Variants in DDX39A observed in about 807,000 individuals in gnomAD.
DDX39A encodes ATP-dependent RNA helicase DDX39A.
DDX39A carries 13 observed loss-of-function variants against 46.3 expected under a neutral mutation model. That is an observed-to-expected ratio of 0.28 (90% CI 0.18 to 0.45). DDX39A has a LOEUF of 0.45. DDX39A is among the 20% of genes least tolerant of loss of function. The pLI, the probability that DDX39A is intolerant of heterozygous loss-of-function variation, is 1.00. For synonymous variants in DDX39A, 234 were observed against 224.6 expected (o/e 1.04, Z -0.38); for missense variants, 352 against 581.8 (o/e 0.61, Z 4.06).
In DDX39A at chr19:14,410,877, C is replaced by G. The variant is rs758986031; in HGVS notation, c.613+112G>C. 352 of 1,017,910 alleles carry G rather than the reference C, an allele frequency of 3.5e-4. 1 individual carries two copies. Among genetic ancestry groups the G allele is most frequent in the Non-Finnish European group, 4.6e-4 (331 of 723,846 alleles). 63.1% of individuals were successfully genotyped at this position (1,017,910 alleles called of 1,614,324 possible). ...AGCAGAGCTTTCCCCAAGATCACCA[C>G]AGGAGCCCCGCCTGCCGGCCGCCCA... On this transcript the variant is annotated intron_variant, in intron 5 of 10. Coordinates refer to ENST00000242776, the MANE Select transcript of DDX39A (RefSeq NM_005804.4). This position sits in a 1 kb window ranked among gnomAD's most constrained non-coding sequence, Gnocchi z 4.3.
Position 14,411,232 on chromosome 19 carries a change from A to C in DDX39A, c.430-60T>G, listed in dbSNP as rs1486996331. ...TACACGGCCCAAGGCCCCAACCTGC[A>C]CGGCCCAGCACCTGCGAACAGGAGG... On this transcript the variant is annotated intron_variant, in intron 4 of 10. Transcript: ENST00000242776. The surrounding 1 kb of genome is among the most constrained non-coding windows in gnomAD (Gnocchi z 4.1). The C allele has an allele frequency of 6.6e-7, 1 of 1,505,160 alleles. No homozygotes were observed. Among genetic ancestry groups the C allele is most frequent in the Non-Finnish European group, 8.9e-7 (1 of 1,126,010 alleles). 93.2% of individuals were successfully genotyped at this position (1,505,160 alleles called of 1,614,324 possible).
rs370068211 is a variant in DDX39A at position 14,409,476 on chromosome 19, C to T, written c.975-29G>A. On this transcript the variant is annotated intron_variant, in intron 8 of 10. Transcript: ENST00000242776. This position sits in a 1 kb window ranked among gnomAD's most constrained non-coding sequence, Gnocchi z 8.3. Reference sequence around the variant, plus strand: ...GGGTGCAGGAGAAACAAGTGGAGGCCGTCAGACACTGGGCTCCTGGTGGTG... The same window carrying T: ...GGGTGCAGGAGAAACAAGTGGAGGCTGTCAGACACTGGGCTCCTGGTGGTG... 45 of 1,612,662 alleles carry T rather than the reference C, an allele frequency of 2.8e-5. No individual in the cohort carries two copies. The African/African-American group carries it at 4.9e-4, about 18-fold the overall frequency.
chr19:14,410,465 C>A lies in DDX39A; in HGVS notation c.614-131G>T. 1 of 786,848 alleles carries A rather than the reference C, an allele frequency of 1.3e-6. No individual in the cohort carries two copies. 48.7% of individuals were successfully genotyped at this position (786,848 alleles called of 1,614,324 possible). A position where few individuals can be genotyped will look rare whatever the true frequency, so the allele number is the denominator to read the frequency against. ...GCACCGTGACGAGGGCAGAGTGAGC[C>A]GCGGGAGTGGCCAGTCCTGGTGCCT... On this transcript the variant is annotated intron_variant, in intron 5 of 10. Transcript: ENST00000242776. This position sits in a 1 kb window ranked among gnomAD's most constrained non-coding sequence, Gnocchi z 4.3.
Position 14,411,979 on chromosome 19 carries a change from A to G in DDX39A, c.337-381T>C, listed in dbSNP as rs867425080. Among the ~76,000 whole-genome samples the G allele has an allele frequency of 6.6e-6, 1 of 152,142 alleles. No individual in the cohort carries two copies. ...CCCGTGCCATCAGACACTGGACCAC[A>G]CCACAGCCCTCCACAGCACCTTCAT... On this transcript the variant is annotated intron_variant, in intron 3 of 10. Transcript: ENST00000242776. The surrounding 1 kb of genome is among the most constrained non-coding windows in gnomAD (Gnocchi z 4.1).
At position 14,410,911 on chromosome 19, in the gene DDX39A, A is replaced by C. The variant is rs1470578930; in HGVS notation, c.613+78T>G. ...CGCCTGCCGGCCGCCCATGTAACCCACTCAAGAGCCTTCCGCCTGCTATGG... is the reference window on the plus strand; with the variant it reads ...CGCCTGCCGGCCGCCCATGTAACCCCCTCAAGAGCCTTCCGCCTGCTATGG... On this transcript the variant is annotated intron_variant, in intron 5 of 10. Transcript: ENST00000242776. This position sits in a 1 kb window ranked among gnomAD's most constrained non-coding sequence, Gnocchi z 4.3. 1.5e-6 allele frequency: 2 copies of C among 1,375,420 alleles called. No individual in the cohort carries two copies. The highest frequency in any genetic ancestry group is 9.7e-7 in the Non-Finnish European group (1 of 1,034,884). 85.2% of individuals were successfully genotyped at this position (1,375,420 alleles called of 1,614,324 possible). A position where few individuals can be genotyped will look rare whatever the true frequency, so the allele number is the denominator to read the frequency against.
Position 14,412,677 on chromosome 19 carries a change from G to T in DDX39A, c.210C>A (p.Val70=), listed in dbSNP as rs147923085. The T allele has an allele frequency of 3.1e-6, 5 of 1,602,600 alleles. No homozygotes were observed. The highest frequency in any genetic ancestry group is 4.2e-6 in the Non-Finnish European group (5 of 1,178,008). ...VDCGFEHPSE[V]QHECIPQAIL... ...TGGCCTGGGGAATGCACTCATGCTG[G>T]ACTGCAGGAGAAGCAGAGCGTGAGG... Residue 70 remains valine, a splice_region_variant and synonymous_variant, in exon 3 of 11, where the codon GTC becomes GTA. Transcript: ENST00000242776. This position sits in a 1 kb window ranked among gnomAD's most constrained non-coding sequence, Gnocchi z 4.4.
In DDX39A at chr19:14,410,107, C is replaced by T; in HGVS notation, c.732+109G>A. 2 of 1,154,702 alleles carry T rather than the reference C, an allele frequency of 1.7e-6. No homozygotes were observed. Among genetic ancestry groups the T allele is most frequent in the East Asian group, 2.3e-5 (1 of 42,564 alleles). The allele number at this position is 1,154,702 out of a possible 1,614,324, so 71.5% of individuals were successfully genotyped here. A position where few individuals can be genotyped will look rare whatever the true frequency, so the allele number is the denominator to read the frequency against. ...AGGGGAGGAAAGGAGGCTCCGCCGG[C>T]TCCCAGCATCCCAGCATCCTCCGTG... On this transcript the variant is annotated intron_variant, in intron 6 of 10. Transcript: ENST00000242776. The surrounding 1 kb of genome is among the most constrained non-coding windows in gnomAD (Gnocchi z 4.3).
At chr19:14,415,329 T>G (rs1976767276) in intron 1 of DDX39A, among the ~76,000 whole-genome samples, 1 of 152,122 alleles carries the variant, frequency 6.6e-6, no homozygotes, top group Admixed American at 6.6e-5. Flanking sequence ...AGACAAGGTC[T>G]TGCTCTGTTG....
At position 14,410,068 on chromosome 19, in the gene DDX39A, G is replaced by A. The variant is rs1042770794; in HGVS notation, c.732+148C>T. ...AGGTGTGGACCAAGCTTGACTCCCA[G>A]TTTGACAAGACCGAGGGGAGGAAAG... On this transcript the variant is annotated intron_variant, in intron 6 of 10. Coordinates refer to ENST00000242776, the MANE Select transcript of DDX39A (RefSeq NM_005804.4). This position sits in a 1 kb window ranked among gnomAD's most constrained non-coding sequence, Gnocchi z 4.3. 3 of 1,030,966 alleles carry A rather than the reference G, an allele frequency of 2.9e-6. No homozygotes were observed. The highest frequency in any genetic ancestry group is 4.5e-6 in the Non-Finnish European group (3 of 668,558). The allele number at this position is 1,030,966 out of a possible 1,614,324, so 63.9% of individuals were successfully genotyped here.
intron 1 of DDX39A, among the ~76,000 whole-genome samples, chr19:14,414,226 C>G (rs1976709178): frequency 6.6e-6 from 1 of 152,050 alleles, no homozygotes; most frequent in South Asian, 2.1e-4. Context: ...TGTTTTCTCT[C>G]TCTCAACCTC....
Position 14,410,908 on chromosome 19 carries a change from C to T in DDX39A, c.613+81G>A. 1.5e-6 allele frequency: 2 copies of T among 1,347,436 alleles called. No homozygotes were observed. Among genetic ancestry groups the T allele is most frequent in the Admixed American group, 2.7e-5 (1 of 37,054 alleles). The allele number at this position is 1,347,436 out of a possible 1,614,324, so 83.5% of individuals were successfully genotyped here. A position where few individuals can be genotyped will look rare whatever the true frequency, so the allele number is the denominator to read the frequency against. On this transcript the variant is annotated intron_variant, in intron 5 of 10. Coordinates refer to ENST00000242776, the MANE Select transcript of DDX39A (RefSeq NM_005804.4). This position sits in a 1 kb window ranked among gnomAD's most constrained non-coding sequence, Gnocchi z 4.3. ...CCCCGCCTGCCGGCCGCCCATGTAA[C>T]CCACTCAAGAGCCTTCCGCCTGCTA... is the stretch of plus-strand genomic sequence containing the variant.
chr19:14,413,268 G>C (rs769071538), intron 1 of DDX39A, 44 bp from the exon 2 acceptor site: 53 of 1,546,568 alleles, frequency 3.4e-5, no homozygotes, highest in Non-Finnish European at 4.5e-5. Context: ...GGCACAGAAG[G>C]ATGATGAAGC....
rs1330681122 is a variant in DDX39A, at chr19:14,410,125, C to A, written c.732+91G>T. On this transcript the variant is annotated intron_variant, in intron 6 of 10. Coordinates refer to ENST00000242776, the MANE Select transcript of DDX39A (RefSeq NM_005804.4). The surrounding 1 kb of genome is among the most constrained non-coding windows in gnomAD (Gnocchi z 4.3). ...CCGCCGGCTCCCAGCATCCCAGCAT[C>A]CTCCGTGCCATGTGGGCCGTGCGGG... 5 of 1,232,598 alleles carry A rather than the reference C, an allele frequency of 4.1e-6. No homozygotes were observed. Among genetic ancestry groups the A allele is most frequent in the Non-Finnish European group, 5.9e-6 (5 of 840,994 alleles). 76.4% of individuals were successfully genotyped at this position (1,232,598 alleles called of 1,614,324 possible).
At chr19:14,408,991 G>A in intron 10 of DDX39A, 39 bp from the exon 11 acceptor site, 2 of 1,612,800 alleles carry the variant, frequency 1.2e-6, no homozygotes, top group Non-Finnish European at 8.5e-7. Flanking sequence ...AGGGCCGGGG[G>A]AGGAACCCTC....
chr19:14,417,093 G>A (rs1450148779), intron 1 of DDX39A, among the ~76,000 whole-genome samples: 1 of 152,112 alleles, frequency 6.6e-6, no homozygotes, highest in Non-Finnish European at 1.5e-5. Context: ...TCCGATGAAG[G>A]GGTAGGTTAA....
Position 14,413,006 on chromosome 19 carries a change from G to A in DDX39A, c.208+7C>T, listed in dbSNP as rs1976656714. On this transcript the variant is annotated splice_region_variant and intron_variant, in intron 2 of 10. Coordinates refer to ENST00000242776, the MANE Select transcript of DDX39A (RefSeq NM_005804.4). ...CTGGGCAAGAGGATAACACCCAGAA[G>A]GCGTACCCTCAGAAGGATGCTCAAA... The A allele has an allele frequency of 6.2e-7, 1 of 1,613,500 alleles. No individual in the cohort carries two copies. Among genetic ancestry groups the A allele is most frequent in the South Asian group, 1.1e-5 (1 of 91,056 alleles).
Position 14,409,796 on chromosome 19 carries a change from G to C in DDX39A, c.810C>G (p.Asp270Glu), listed in dbSNP as rs1157358371. The change falls in exon 7 of 11, where the codon GAC becomes GAG. Residue 270 changes from aspartate to glutamate, a missense_variant. By Grantham distance (45) the Asp-to-Glu change is conservative (BLOSUM62 2). This residue lies in a region of DDX39A where 301 missense variants were observed against 469.9 expected (regional missense o/e 0.64). Coordinates refer to ENST00000242776, the MANE Select transcript of DDX39A (RefSeq NM_005804.4). This position sits in a 1 kb window ranked among gnomAD's most constrained non-coding sequence, Gnocchi z 8.3. ...GLQQYYVKLKDSEKNRKLFDL... is the reference protein window; with the variant it reads ...GLQQYYVKLKESEKNRKLFDL... ...CAAAGAGCTTGCGGTTCTTCTCACT[G>C]TCTTTGAGTTTGACGTAGTACTGCT... The C allele has an allele frequency of 1.9e-6, 3 of 1,614,176 alleles. No homozygotes were observed. Among genetic ancestry groups the C allele is most frequent in the Non-Finnish European group, 2.5e-6 (3 of 1,180,032 alleles).
chr19:14,418,839 G>C (rs1295834174), intron 1 of DDX39A: 3 of 447,306 alleles, frequency 6.7e-6, no homozygotes, highest in South Asian at 4.7e-5. Context: ...AGGTAGACTG[G>C]GAAAGGGATC....
At position 14,413,191 on chromosome 19, in the gene DDX39A, A is replaced by C. The variant is rs762374552; in HGVS notation, c.30T>G (p.Leu10=). ...GCTCTTCCTCTTCATCGTAATCCAA[A>C]AGATCGTTTTCCACATCCTGTTCTG... MAEQDVEND[L]LDYDEEEEPQ... Residue 10 remains leucine (L), a synonymous_variant, in exon 2 of 11, where the codon CTT becomes CTG. Coordinates refer to ENST00000242776, the MANE Select transcript of DDX39A (RefSeq NM_005804.4). The C allele has an allele frequency of 4.3e-6, 7 of 1,613,888 alleles. No homozygotes were observed. Among genetic ancestry groups the C allele is most frequent in the Non-Finnish European group, 5.9e-6 (7 of 1,179,982 alleles).
Sources: gnomAD v4.1 joint callset for allele counts (sites outside exome capture counted in the v4.1 genomes callset) on GRCh38, gnomAD v4.1.1 for gene constraint, gnomAD v4.1.1 regional missense constraint, Gnocchi (gnomAD v3.1) non-coding constraint, MANE v1.5 for transcripts, NCBI Gene and HGNC (gene_info 2026-07-23, HGNC 2026-07-21) for gene names.